MGAT3: variants seen among roughly 807,000 people sequenced by gnomAD.
The protein encoded by MGAT3 is beta-1,4-mannosyl-glycoprotein 4-beta-N-acetylglucosaminyltransferase, also known as GlcNAc-T III.
MGAT3 carries 9 observed loss-of-function variants against 29.8 expected under a neutral mutation model. The ratio of observed to expected loss-of-function variants is 0.30; its 90% confidence interval spans 0.18 to 0.53. The LOEUF (loss-of-function observed/expected upper bound fraction) is 0.53, where lower values mean the gene tolerates loss of function less well. Ranked by LOEUF, MGAT3 falls within the 20% of genes least tolerant of loss-of-function variation. MGAT3 has a pLI of 0.96. For missense variants in MGAT3, 557 were observed against 769.5 expected (o/e 0.72, Z 3.27); for synonymous variants, 397 against 348.9 (o/e 1.14, Z -1.54).
rs1284208277 is a variant in MGAT3, at chr22:39,490,987, G to A, written c.*2038G>A. 2 of 167,080 alleles carry A rather than the reference G, an allele frequency of 1.2e-5. No individual in the cohort carries two copies. The highest frequency in any genetic ancestry group is 2.4e-5 in the African/African-American group (1 of 41,380). 10.3% of individuals were successfully genotyped at this position (167,080 alleles called of 1,614,324 possible). On this transcript the variant is annotated 3_prime_UTR_variant, in exon 2 of 2. Coordinates refer to ENST00000341184, the MANE Select transcript of MGAT3 (RefSeq NM_002409.5). ...GAGGAATGAGAATCCTGACCTGAGG[G>A]CTGTGCAGCTGAGAGCCCACTACCT... is the stretch of plus-strand genomic sequence containing the variant.
chr22:39,474,723 G>A (rs1374501961), intron 1 of MGAT3, among the ~76,000 whole-genome samples: 1 of 152,204 alleles, frequency 6.6e-6, no homozygotes, highest in East Asian at 1.9e-4. Context: ...CATTCCTCTG[G>A]CTAATCCCAA....
In MGAT3 at chr22:39,489,127, C is replaced by T; in HGVS notation, c.*178C>T. 1.1e-6 allele frequency: 1 copy of T among 877,450 alleles called. No individual in the cohort carries two copies. The highest frequency in any genetic ancestry group is 2.9e-5 in the Admixed American group (1 of 34,110). The allele number at this position is 877,450 out of a possible 1,614,324, so 54.4% of individuals were successfully genotyped here. On this transcript the variant is annotated 3_prime_UTR_variant, in exon 2 of 2. Transcript: ENST00000341184. ...GTGAATCAAGGGTCAGGCCTTTGAGCTCAGAAAATATCCCTCCTGTTGGGA... is the reference window on the plus strand; with the variant it reads ...GTGAATCAAGGGTCAGGCCTTTGAGTTCAGAAAATATCCCTCCTGTTGGGA...
At chr22:39,470,393 A>G (rs1928774052) in intron 1 of MGAT3, among the ~76,000 whole-genome samples, 1 of 152,162 alleles carries the variant, frequency 6.6e-6, no homozygotes, top group Non-Finnish European at 1.5e-5. Flanking sequence ...TGTAGGAGAC[A>G]GGAAGGTGGG....
At chr22:39,482,140 A>G (rs904355084) in intron 1 of MGAT3, among the ~76,000 whole-genome samples, 4 of 141,294 alleles carry the variant, frequency 2.8e-5, no homozygotes, top group African/African-American at 1.1e-4. Flanking sequence ...GAAAGTAGGC[A>G]CTGCTAATTT....
At chr22:39,479,610 T>G (rs951776999) in intron 1 of MGAT3, among the ~76,000 whole-genome samples, 38 of 152,278 alleles carry the variant, frequency 2.5e-4, no homozygotes, top group Non-Finnish European at 1.2e-4. Context: ...AAAGGCTCAC[T>G]CTTTCTCTTC....
intron 1 of MGAT3, among the ~76,000 whole-genome samples, chr22:39,469,696 C>G (rs1005351579): frequency 6.6e-6 from 1 of 152,222 alleles, no homozygotes; most frequent in South Asian, 2.1e-4. Context: ...TGGGGAAGGG[C>G]GGGGAGCACC....
At chr22:39,475,100 G>A (rs1395981719) in intron 1 of MGAT3, among the ~76,000 whole-genome samples, 1 of 150,322 alleles carries the variant, frequency 6.7e-6, no homozygotes. Context: ...GTGGAGTGAG[G>A]GATGAATTCA....
Position 39,487,835 on chromosome 22 carries a change from G to T in MGAT3, c.488G>T (p.Gly163Val). The stretch of plus-strand genomic sequence containing the variant: ...GCCCGGGAGCGCACGGGGGGCCGAG[G>T]CGCCCGGCGCAAGTGGGTGGAGTGC... Reference protein sequence around the residue: ...LSARERTGGRGARRKWVECVC... With the variant: ...LSARERTGGRVARRKWVECVC... The change falls in exon 2 of 2, where the codon GGC becomes GTC. Residue 163 changes from glycine to valine, a missense_variant. Transcript: ENST00000341184. This position sits in a 1 kb window ranked among gnomAD's most constrained non-coding sequence, Gnocchi z 5.7. 1 of 1,509,072 alleles carries T rather than the reference G, an allele frequency of 6.6e-7. No homozygotes were observed. Among genetic ancestry groups the T allele is most frequent in the African/African-American group, 1.4e-5 (1 of 72,334 alleles). The allele number at this position is 1,509,072 out of a possible 1,614,324, so 93.5% of individuals were successfully genotyped here.
chr22:39,466,802 C>T (rs1300411865), intron 1 of MGAT3, among the ~76,000 whole-genome samples: 1 of 152,262 alleles, frequency 6.6e-6, no homozygotes, highest in East Asian at 1.9e-4. Flanking sequence ...TCCTCCTACA[C>T]ACGGGTCAAG....
intron 1 of MGAT3, among the ~76,000 whole-genome samples, chr22:39,465,435 C>T (rs1251382061): frequency 6.6e-6 from 1 of 152,168 alleles, no homozygotes; most frequent in Non-Finnish European, 1.5e-5. Context: ...AAAAACAGAG[C>T]CATACCCTCC....
rs558250058 is a variant in MGAT3 at position 39,487,969 on chromosome 22, G to A, written c.622G>A (p.Val208Ile). Residue 208 changes from valine (V) to isoleucine (I), a missense_variant, in exon 2 of 2, where the codon GTC becomes ATC. Transcript: ENST00000341184. This position sits in a 1 kb window ranked among gnomAD's most constrained non-coding sequence, Gnocchi z 5.7. ...RLVPREVPRR[V>I]INAINVNHEF... ...GGTGCCCAGGGAGGTGCCGCGCCGC[G>A]TCATCAACGCCATCAACGTCAACCA... The A allele has an allele frequency of 3.1e-5, 50 of 1,612,250 alleles. 1 individual carries two copies. Among genetic ancestry groups the A allele is most frequent in the South Asian group, 2.5e-4 (23 of 91,060 alleles).
At chr22:39,459,859 G>A (rs377145789) in intron 1 of MGAT3, among the ~76,000 whole-genome samples, 1 of 152,210 alleles carries the variant, frequency 6.6e-6, no homozygotes, top group Non-Finnish European at 1.5e-5. Flanking sequence ...CGCTGGCTGC[G>A]GTATTATTAC....
At chr22:39,475,236 T>A (rs529284279) in intron 1 of MGAT3, among the ~76,000 whole-genome samples, 1 of 151,756 alleles carries the variant, frequency 6.6e-6, no homozygotes, top group South Asian at 2.1e-4. Flanking sequence ...CTTGATTGTG[T>A]TTTTTGGGGG....
In MGAT3 at chr22:39,491,087, G is replaced by C. The variant is rs556905725; in HGVS notation, c.*2138G>C. Reference sequence around the variant, plus strand: ...CCCACCTCCAGTGGGGCTTTCTCCAGATGTCTTATGGTTGGGGGTTTCCTG... The same window carrying C: ...CCCACCTCCAGTGGGGCTTTCTCCACATGTCTTATGGTTGGGGGTTTCCTG... On this transcript the variant is annotated 3_prime_UTR_variant, in exon 2 of 2. Transcript: ENST00000341184. The surrounding 1 kb of genome is among the most constrained non-coding windows in gnomAD (Gnocchi z 5.5). 6.0e-6 allele frequency: 1 copy of C among 167,410 alleles called. No homozygotes were observed. The highest frequency in any genetic ancestry group is 1.5e-5 in the Non-Finnish European group (1 of 68,208). 10.4% of individuals were successfully genotyped at this position (167,410 alleles called of 1,614,324 possible). A position where few individuals can be genotyped will look rare whatever the true frequency, so the allele number is the denominator to read the frequency against.
In MGAT3 at chr22:39,491,393, C is replaced by T. The variant is rs1021049454; in HGVS notation, c.*2444C>T. Reference sequence around the variant, plus strand: ...TGGGTCAATCTAGGCCAGGCTGCACCCCATGGACAGGGAGTCTCAGGGCTC... The same window carrying T: ...TGGGTCAATCTAGGCCAGGCTGCACTCCATGGACAGGGAGTCTCAGGGCTC... On this transcript the variant is annotated 3_prime_UTR_variant, in exon 2 of 2. Coordinates refer to ENST00000341184, the MANE Select transcript of MGAT3 (RefSeq NM_002409.5). The surrounding 1 kb of genome is among the most constrained non-coding windows in gnomAD (Gnocchi z 5.5). 1.2e-5 allele frequency: 2 copies of T among 167,268 alleles called. No homozygotes were observed. Among genetic ancestry groups the T allele is most frequent in the African/African-American group, 2.4e-5 (1 of 41,430 alleles). 10.4% of individuals were successfully genotyped at this position (167,268 alleles called of 1,614,324 possible).
At chr22:39,486,144 A>ATT (rs34708754) in intron 1 of MGAT3, 191 of 363,638 alleles carry the variant, frequency 5.3e-4, no homozygotes, top group East Asian at 7.5e-4. Flanking sequence ...TAGACCTCAA[A>ATT]TTTTTTTTTT....
intron 1 of MGAT3, among the ~76,000 whole-genome samples, chr22:39,466,155 G>T (rs771700596): frequency 2.0e-5 from 3 of 152,112 alleles, no homozygotes; most frequent in Non-Finnish European, 2.9e-5. Flanking sequence ...TTCTAGAATG[G>T]ATGAGAAACC....
In MGAT3 at chr22:39,488,119, A is replaced by G. The variant is rs1415812335; in HGVS notation, c.772A>G (p.Thr258Ala). ...PRPLKFREML[T>A]NGTFEYIRHK... ...GCCGCTCAAGTTCCGGGAGATGCTG[A>G]CCAATGGCACCTTCGAGTACATCCG... The change falls in exon 2 of 2, where the codon ACC (threonine) becomes GCC (alanine). Residue 258 changes from threonine (T) to alanine (A), a missense_variant. By Grantham distance (58) the Thr-to-Ala change is moderately conservative. Transcript: ENST00000341184. 2 of 1,612,742 alleles carry G rather than the reference A, an allele frequency of 1.2e-6. No homozygotes were observed. Among genetic ancestry groups the G allele is most frequent in the Admixed American group, 3.3e-5 (2 of 59,998 alleles).
At position 39,485,953 on chromosome 22, in the gene MGAT3, C is replaced by G. The variant is rs77572857; in HGVS notation, c.-1-1394C>G. On this transcript the variant is annotated intron_variant, in intron 1 of 1. Transcript: ENST00000341184. ...TCATGAATACAGAGTGATTTATTCA[C>G]AATAGCCATGTAATATGTGGGATTT... 1.3e-4 allele frequency among the ~76,000 whole-genome samples: 20 copies of G among 152,248 alleles called. No individual in the cohort carries two copies. The East Asian group carries it at 3.7e-3, about 28-fold the overall frequency.
Sources: gnomAD v4.1 joint callset for allele counts (sites outside exome capture counted in the v4.1 genomes callset) on GRCh38, gnomAD v4.1.1 for gene constraint, Gnocchi (gnomAD v3.1) non-coding constraint, MANE v1.5 for transcripts, NCBI Gene and HGNC (gene_info 2026-07-23, HGNC 2026-07-21) for gene names.